Variants in TRIM49B observed in about 807,000 individuals in gnomAD.
TRIM49B encodes putative tripartite motif-containing protein 49B.
In TRIM49B, 18 loss-of-function variants were observed where a neutral mutation model predicts 31.8. The observed-to-expected ratio is 0.57, with a 90% CI of 0.39 to 0.84. The LOEUF (loss-of-function observed/expected upper bound fraction) is 0.84, where lower values mean the gene tolerates loss of function less well. Among genes scored for constraint, TRIM49B ranks in the 40% least tolerant of loss-of-function variants. The pLI is 0.00. For synonymous variants in TRIM49B, 196 were observed against 180.6 expected (o/e 1.09, Z -0.68); for missense variants, 494 against 538.7 (o/e 0.92, Z 0.82).
rs1482353950 is a variant in TRIM49B, at chr11:49,036,310, C to T, written c.771C>T (p.Ser257=). ...AFGDILHRSE[S]VLLHMPQPLN... ...AGGTTTTTCCTTGCAGGAGTGAGTC[C>T]GTGCTGCTGCACATGCCCCAGCCTC... Residue 257 remains serine (S), a synonymous_variant, in exon 6 of 7, where the codon TCC becomes TCT. Transcript: ENST00000332682. 1.0e-5 allele frequency: 16 copies of T among 1,543,012 alleles called. No individual in the cohort carries two copies. In the South Asian group the frequency reaches 1.5e-4, roughly 15 times the overall value.
Position 49,037,911 on chromosome 11 carries a change from A to T in TRIM49B, c.1293A>T (p.Ile431=), listed in dbSNP as rs112604051. 1 of 1,613,636 alleles carries T rather than the reference A, an allele frequency of 6.2e-7. No homozygotes were observed. The highest frequency in any genetic ancestry group is 8.5e-7 in the Non-Finnish European group (1 of 1,179,774). ...TTGATGTTAATCAAAGCTCCCTAATATACACCATCCCTAATTGCTCTTTCT... is the reference window on the plus strand; with the variant it reads ...TTGATGTTAATCAAAGCTCCCTAATTTACACCATCCCTAATTGCTCTTTCT... ...SFVDVNQSSL[I]YTIPNCSFSP... Residue 431 remains isoleucine, a synonymous_variant, in exon 7 of 7, where the codon ATA becomes ATT. Coordinates refer to ENST00000332682, the MANE Select transcript of TRIM49B (RefSeq NM_001206626.2).
intron 1 of TRIM49B, among the ~76,000 whole-genome samples, chr11:49,030,371 T>G (rs1029927416): frequency 6.6e-6 from 1 of 152,152 alleles, no homozygotes; most frequent in South Asian, 2.1e-4. Flanking sequence ...TAAAAACACC[T>G]GACACATTTC....
Position 49,031,621 on chromosome 11 carries a change from G to T in TRIM49B, c.22G>T (p.Val8Phe), listed in dbSNP as rs770300895. The change falls in exon 2 of 7, where the codon GTC becomes TTC. Residue 8 changes from valine (V) to phenylalanine (F), a missense_variant. By Grantham distance (50) the Val-to-Phe change is conservative (BLOSUM62 -1). Transcript: ENST00000332682. Reference protein sequence around the residue: MNSGILQVFQRELICPIC... With the variant: MNSGILQFFQRELICPIC... ...AAACATGAATTCTGGAATCTTACAG[G>T]TCTTTCAGAGGGAACTCATCTGCCC... 1 of 1,613,860 alleles carries T rather than the reference G, an allele frequency of 6.2e-7. No homozygotes were observed.
At chr11:49,035,201 G>C in intron 5 of TRIM49B, 84 bp downstream of exon 5, 1 of 1,576,770 alleles carries the variant, frequency 6.3e-7, no homozygotes, top group Middle Eastern at 1.7e-4. Context: ...ATGGCATAAA[G>C]TCATGGCATA....
chr11:49,035,191 A>C (rs951575100), intron 5 of TRIM49B, 74 bp downstream of exon 5: 2 of 1,599,140 alleles, frequency 1.3e-6, no homozygotes, highest in Non-Finnish European at 8.5e-7. Flanking sequence ...TATTAAAGTC[A>C]TGGCATAAAG....
chr11:49,031,946 C>T lies in TRIM49B; in HGVS notation c.347C>T (p.Ser116Phe). 1 of 1,611,998 alleles carries T rather than the reference C, an allele frequency of 6.2e-7. No homozygotes were observed. Residue 116 changes from serine to phenylalanine, a missense_variant, in exon 2 of 7, where the codon TCC becomes TTC. By Grantham distance (155) the Ser-to-Phe change is radical. Coordinates refer to ENST00000332682, the MANE Select transcript of TRIM49B (RefSeq NM_001206626.2). The stretch of plus-strand genomic sequence containing the variant: ...AGGAGCCTGCTCTGTTTGCTGTGCT[C>T]CAGCTCTCAGGAGCACCGGGATCAC... The part of the protein sequence containing the change: ...VDRSLLCLLC[S>F]SSQEHRDHRH...
intron 3 of TRIM49B, 136 bp from the exon 4 acceptor site, chr11:49,034,010 C>T: frequency 6.8e-7 from 1 of 1,473,524 alleles, no homozygotes; most frequent in South Asian, 1.2e-5. Flanking sequence ...AGGAAAGGAA[C>T]AAAATTTGTA....
At chr11:49,033,067 A>ATTTTTGTTTGTTGAAAT (rs1565092122) in intron 3 of TRIM49B, among the ~76,000 whole-genome samples, 9 of 151,734 alleles carry the variant, frequency 5.9e-5, no homozygotes, top group African/African-American at 2.2e-4. Context: ...AGCTAATATT[A>ATTTTTGTTTGTTGAAAT]GTTTGTTGAA....
chr11:49,034,059 G>T (rs1333907101), intron 3 of TRIM49B, 87 bp from the exon 4 acceptor site: 1 of 1,605,264 alleles, frequency 6.2e-7, no homozygotes, highest in Non-Finnish European at 8.5e-7. Flanking sequence ...TGAACTATTG[G>T]ACATTCGAGA....
chr11:49,031,859 G>A lies in TRIM49B; in HGVS notation c.260G>A (p.Ser87Asn), dbSNP rs761067855. The A allele has an allele frequency of 6.2e-7, 1 of 1,613,806 alleles. No individual in the cohort carries two copies. Among genetic ancestry groups the A allele is most frequent in the Non-Finnish European group, 8.5e-7 (1 of 1,179,872 alleles). The change falls in exon 2 of 7, where the codon AGC becomes AAC. Residue 87 changes from serine to asparagine, a missense_variant. Coordinates refer to ENST00000332682, the MANE Select transcript of TRIM49B (RefSeq NM_001206626.2). Reference protein sequence around the residue: ...ARKVSLWLFLSSEEQMCGTHR... With the variant: ...ARKVSLWLFLNSEEQMCGTHR... ...AAAGTCAGTCTCTGGCTATTCCTGAGCTCTGAGGAGCAAATGTGTGGCACT... is the reference window on the plus strand; with the variant it reads ...AAAGTCAGTCTCTGGCTATTCCTGAACTCTGAGGAGCAAATGTGTGGCACT...
At position 49,037,752 on chromosome 11, in the gene TRIM49B, T is replaced by C; in HGVS notation, c.1134T>C (p.Phe378=). Residue 378 remains phenylalanine (F), a synonymous_variant, in exon 7 of 7, where the codon TTT becomes TTC. Coordinates refer to ENST00000332682, the MANE Select transcript of TRIM49B (RefSeq NM_001206626.2). ...NEKIDGEDGL[F]LLGCVKNDIQ... is the part of the protein sequence containing the mutation. ...AGATAGATGGAGAGGATGGACTCTT[T>C]CTTCTTGGGTGTGTTAAGAATGACA... is the stretch of plus-strand genomic sequence containing the variant. 6.2e-7 allele frequency: 1 copy of C among 1,613,952 alleles called. No homozygotes were observed. Among genetic ancestry groups the C allele is most frequent in the Middle Eastern group, 1.7e-4 (1 of 6,056 alleles).
At chr11:49,035,047 T>C in intron 4 of TRIM49B, 48 bp from the exon 5 acceptor site, 2 of 1,604,870 alleles carry the variant, frequency 1.2e-6, no homozygotes, top group East Asian at 2.2e-5. Context: ...TAGTGAAAGA[T>C]GCATCTTGTG....
chr11:49,035,032 G>C (rs1208750341), intron 4 of TRIM49B, 63 bp from the exon 5 acceptor site: 1 of 1,577,112 alleles, frequency 6.3e-7, no homozygotes, highest in Admixed American at 1.7e-5. Context: ...ATCTCACACT[G>C]AACTTAGTGA....
intron 3 of TRIM49B, 106 bp downstream of exon 3, chr11:49,032,477 A>C (rs199681331): frequency 4.8e-6 from 1 of 206,286 alleles, no homozygotes; most frequent in African/African-American, 2.7e-4. Context: ...GGGATTCAGT[A>C]AAAAAAAAAG....
rs1329798632 is a variant in TRIM49B, at chr11:49,031,955, A to G, written c.356A>G (p.Gln119Arg). 6.2e-7 allele frequency: 1 copy of G among 1,612,054 alleles called. No individual in the cohort carries two copies. The highest frequency in any genetic ancestry group is 1.7e-5 in the Admixed American group (1 of 60,022). The change falls in exon 2 of 7, where the codon CAG (glutamine) becomes CGG (arginine). Residue 119 changes from glutamine (Q) to arginine (R), a missense_variant. Around this residue, in one of 3 missense-constraint regions of TRIM49B, gnomAD observed 251 missense variants for 232.8 expected, o/e 1.08. Transcript: ENST00000332682. ...CTCTGTTTGCTGTGCTCCAGCTCTC[A>G]GGAGCACCGGGATCACAGACACTGT... ...SLLCLLCSSS[Q>R]EHRDHRHCPI...
rs575702054 is a variant in TRIM49B, at chr11:49,028,865, T to C, written c.-115T>C. 1.3e-5 allele frequency: 2 copies of C among 159,526 alleles called. No individual in the cohort carries two copies. Among genetic ancestry groups the C allele is most frequent in the South Asian group, 4.1e-4 (2 of 4,832 alleles). 9.9% of individuals were successfully genotyped at this position (159,526 alleles called of 1,614,324 possible). On this transcript the variant is annotated 5_prime_UTR_variant, in exon 1 of 7. Coordinates refer to ENST00000332682, the MANE Select transcript of TRIM49B (RefSeq NM_001206626.2). Reference sequence around the variant, plus strand: ...AAGGACTGCACTTAGAACTGCATTTTGGTGACCTCTGAAATTCAGTACGGC... The same window carrying C: ...AAGGACTGCACTTAGAACTGCATTTCGGTGACCTCTGAAATTCAGTACGGC...
Position 49,031,771 on chromosome 11 carries a change from T to A in TRIM49B, c.172T>A (p.Ser58Thr), listed in dbSNP as rs1448126379. The A allele has an allele frequency of 3.7e-6, 6 of 1,613,942 alleles. No individual in the cohort carries two copies. Among genetic ancestry groups the A allele is most frequent in the South Asian group, 2.2e-5 (2 of 91,078 alleles). ...FLVQCSECTKSTGQINLKTNI... is the reference protein window; with the variant it reads ...FLVQCSECTKTTGQINLKTNI... ...TGTCCAGTGCTCTGAATGCACAAAG[T>A]CAACAGGGCAGATAAACCTCAAAAC... is the stretch of plus-strand genomic sequence containing the variant. The change falls in exon 2 of 7, where the codon TCA (serine) becomes ACA (threonine). Residue 58 changes from serine to threonine, a missense_variant. Coordinates refer to ENST00000332682, the MANE Select transcript of TRIM49B (RefSeq NM_001206626.2).
chr11:49,032,790 G>A (rs2696920), intron 3 of TRIM49B, among the ~76,000 whole-genome samples: 122,650 of 151,968 alleles, frequency 0.81, 49,822 homozygotes, highest in African/African-American at 0.83. Flanking sequence ...GTAGTATTTG[G>A]AATTGTATGG....
chr11:49,035,625 T>TG (rs1854517797), intron 5 of TRIM49B, among the ~76,000 whole-genome samples: 1 of 152,216 alleles, frequency 6.6e-6, no homozygotes, highest in Non-Finnish European at 1.5e-5. Context: ...CCCAAAGTGC[T>TG]GGGATTACAG....
Sources: allele counts gnomAD v4.1 joint callset (sites outside exome capture counted in the v4.1 genomes callset), GRCh38; gene constraint gnomAD v4.1.1; regional missense constraint gnomAD v4.1.1; transcripts MANE v1.5; gene names NCBI Gene and HGNC (gene_info 2026-07-23, HGNC 2026-07-21).